DIAPH2: variants seen among roughly 807,000 people sequenced by gnomAD.
DIAPH2 encodes diaphanous related formin 2, also known as protein diaphanous homolog 2.
In DIAPH2, 35 loss-of-function variants were observed where a neutral mutation model predicts 92.7. The observed-to-expected ratio is 0.38, with a 90% CI of 0.29 to 0.50. The LOEUF (loss-of-function observed/expected upper bound fraction) is 0.50, where lower values mean the gene tolerates loss of function less well. Among genes scored for constraint, DIAPH2 ranks in the 20% least tolerant of loss-of-function variants. The pLI is 0.94. For missense variants in DIAPH2, 701 were observed against 819.5 expected (o/e 0.86, Z 1.77); for synonymous variants, 301 against 280.4 (o/e 1.07, Z -0.73).
At chrX:96,982,520 A>C (rs906333684) in intron 17 of DIAPH2, among the ~76,000 whole-genome samples, 1 of 112,051 alleles carries the variant, frequency 8.9e-6, no homozygotes, top group Non-Finnish European at 1.9e-5. Context: ...ACTCTGTGAC[A>C]TGTGATGCTA....
chrX:97,025,631 G>A (rs1298029704), intron 17 of DIAPH2, among the ~76,000 whole-genome samples: 1 of 110,672 alleles, frequency 9.0e-6, no homozygotes, highest in Admixed American at 9.6e-5. Context: ...CAGCCTGGGC[G>A]ACAGAGCAAG....
intron 3 of DIAPH2, among the ~76,000 whole-genome samples, chrX:96,751,660 T>G (rs1401599713): frequency 2.7e-5 from 2 of 74,252 alleles, no homozygotes; most frequent in Non-Finnish European, 5.5e-5. Context: ...TTGTTTTTTT[T>G]TTTTTTTTTT....
chrX:96,921,697 G>GGT (rs2065544912), intron 9 of DIAPH2, among the ~76,000 whole-genome samples: 1 of 88,020 alleles, frequency 1.1e-5, no homozygotes, highest in African/African-American at 4.2e-5. Context: ...TACCTTTATG[G>GGT]TTTTTTTTTT....
At chrX:97,091,347 A>G (rs2147353289) in intron 19 of DIAPH2, among the ~76,000 whole-genome samples, 1 of 111,339 alleles carries the variant, frequency 9.0e-6, no homozygotes, top group African/African-American at 3.3e-5. Flanking sequence ...GCAGTGGTCC[A>G]ATCCTACGTC....
In DIAPH2 at chrX:97,164,422, G is replaced by A. The variant is rs182579064; in HGVS notation, c.2719+22628G>A. Among the ~76,000 whole-genome samples, 329 of 111,138 alleles carry A rather than the reference G, an allele frequency of 3.0e-3. 2 individuals are homozygous for A. The highest frequency in any genetic ancestry group is 0.01 in the African/African-American group (307 of 30,606). ...TTTCCCCCAATCTTTACTGTCTGTC[G>A]GCAAAAGTGAGGCAGACTTATGGTT... On this transcript the variant is annotated intron_variant, in intron 22 of 26. Coordinates refer to ENST00000324765, the MANE Select transcript of DIAPH2 (RefSeq NM_006729.5).
At position 96,912,395 on chromosome X, in the gene DIAPH2, A is replaced by G; in HGVS notation, c.655A>G (p.Lys219Glu). ...GGATGAGCTGGAAAAGCTTCTGGAC[A>G]AAAAACAGTAAGAATAAACACTGAA... The part of the protein sequence containing the change: ...LLDELEKLLD[K>E]KQQENIDKKN... The change falls in exon 6 of 27, where the codon AAA becomes GAA. Residue 219 changes from lysine (K) to glutamate (E), a missense_variant. By Grantham distance (56) the Lys-to-Glu change is moderately conservative. This residue lies in a region of DIAPH2 where 34 missense variants were observed against 74.7 expected (regional missense o/e 0.46). Coordinates refer to ENST00000324765, the MANE Select transcript of DIAPH2 (RefSeq NM_006729.5). The G allele has an allele frequency of 8.3e-7, 1 of 1,201,067 alleles. No homozygotes were observed. The highest frequency in any genetic ancestry group is 1.1e-6 in the Non-Finnish European group (1 of 889,248).
At chrX:97,000,620 T>TACACAC (rs56284459) in intron 17 of DIAPH2, among the ~76,000 whole-genome samples, 3,422 of 99,845 alleles carry the variant, frequency 0.034, 73 homozygotes, top group Middle Eastern at 0.082. Context: ...TACAAATGAA[T>TACACAC]ACACACACAC....
intron 26 of DIAPH2, among the ~76,000 whole-genome samples, chrX:97,441,351 A>C (rs1208427075): frequency 9.2e-6 from 1 of 109,206 alleles, no homozygotes; most frequent in African/African-American, 3.3e-5. Context: ...TGTCTAAAAA[A>C]AAAAGGAGTA....
intron 26 of DIAPH2, among the ~76,000 whole-genome samples, chrX:97,457,881 C>T (rs914251025): frequency 7.2e-5 from 8 of 111,750 alleles, no homozygotes; most frequent in East Asian, 2.8e-4. Flanking sequence ...TTATCAGATA[C>T]CAAATTTACT....
At chrX:97,329,357 C>T (rs1332017508) in intron 23 of DIAPH2, among the ~76,000 whole-genome samples, 1 of 112,058 alleles carries the variant, frequency 8.9e-6, no homozygotes, top group Non-Finnish European at 1.9e-5. Context: ...CCACCCACCT[C>T]TCTAAAATGA....
At chrX:96,722,600 T>C (rs751624866) in intron 1 of DIAPH2, among the ~76,000 whole-genome samples, 46 of 111,790 alleles carry the variant, frequency 4.1e-4, no homozygotes, top group African/African-American at 6.8e-4. Context: ...ATGGGTCTTA[T>C]GCTGCTGTGA....
At chrX:97,120,600 A>G (rs1371761106) in intron 21 of DIAPH2, among the ~76,000 whole-genome samples, 1 of 98,249 alleles carries the variant, frequency 1.0e-5, no homozygotes, top group African/African-American at 3.8e-5. Flanking sequence ...AAACATTATG[A>G]GAGTTTTTTG....
chrX:97,010,720 A>G (rs2066219206), intron 17 of DIAPH2, among the ~76,000 whole-genome samples: 1 of 112,340 alleles, frequency 8.9e-6, no homozygotes, highest in Non-Finnish European at 1.9e-5. Context: ...AAAAATTATC[A>G]TACTGAACAG....
chrX:97,266,485 C>T (rs2068337839), intron 23 of DIAPH2, among the ~76,000 whole-genome samples: 1 of 111,717 alleles, frequency 9.0e-6, no homozygotes, highest in Admixed American at 9.6e-5. Flanking sequence ...TATTAGAATA[C>T]CACCAGGACA....
At chrX:97,297,357 TAAC>T (rs1018132792) in intron 23 of DIAPH2, among the ~76,000 whole-genome samples, 9 of 109,779 alleles carry the variant, frequency 8.2e-5, no homozygotes, top group Admixed American at 4.0e-4. Context: ...AAAAACAATA[TAAC>T]AATAGCAGTA....
chrX:96,844,795 C>T (rs774412094), intron 4 of DIAPH2, among the ~76,000 whole-genome samples: 3 of 111,577 alleles, frequency 2.7e-5, no homozygotes, highest in Admixed American at 9.5e-5. Context: ...TGTTATTTCA[C>T]GTCAATACAC....
intron 17 of DIAPH2, among the ~76,000 whole-genome samples, chrX:97,007,771 T>C (rs1017337187): frequency 2.0e-5 from 2 of 98,113 alleles, no homozygotes; most frequent in African/African-American, 7.4e-5. Flanking sequence ...CTTTTTTTTT[T>C]TTTTTTTTTG....
chrX:97,334,791 G>T (rs1249718938), intron 23 of DIAPH2, among the ~76,000 whole-genome samples: 1 of 107,530 alleles, frequency 9.3e-6, no homozygotes, highest in Non-Finnish European at 1.9e-5. Flanking sequence ...GACCAGCCTG[G>T]CCAACATAGT....
chrX:97,585,218 G>A, intron 26 of DIAPH2, among the ~76,000 whole-genome samples: 1 of 101,023 alleles, frequency 9.9e-6, no homozygotes, highest in East Asian at 3.2e-4. Flanking sequence ...AATATACCCT[G>A]TTTTAAGAAA....
Sources: allele counts gnomAD v4.1 joint callset (sites outside exome capture counted in the v4.1 genomes callset), GRCh38; gene constraint gnomAD v4.1.1; regional missense constraint gnomAD v4.1.1; transcripts MANE v1.5; gene names NCBI Gene and HGNC (gene_info 2026-07-23, HGNC 2026-07-21).